The following KIF6 variants were observed in gnomAD, a reference collection of about 807,000 sequenced individuals.
KIF6 encodes the protein kinesin-like protein KIF6.
KIF6 carries 106 observed loss-of-function variants against 112.7 expected under a neutral mutation model. The observed-to-expected ratio is 0.94, with a 90% CI of 0.80 to 1.11. KIF6 has a LOEUF of 1.11. Among genes scored for constraint, KIF6 ranks in the 50% least tolerant of loss-of-function variants. The pLI is 0.00. For synonymous variants in KIF6, 339 were observed against 339.9 expected, an observed-to-expected ratio of 1.00 and a Z score of 0.03; for missense variants, 929 against 964.0, an observed-to-expected ratio of 0.96 and a Z score of 0.48.
chr6:39,578,132 G>C lies in KIF6; in HGVS notation c.1105C>G (p.Gln369Glu). 2 of 1,613,898 alleles carry C rather than the reference G, an allele frequency of 1.2e-6. No individual in the cohort carries two copies. Among genetic ancestry groups the C allele is most frequent in the Non-Finnish European group, 1.7e-6 (2 of 1,179,844 alleles). ...ATGGCCAGTTCATCCTTCAGTTCCTGGATTTCCTTTTGTAGGCGTTTAATC... is the reference window on the plus strand; with the variant it reads ...ATGGCCAGTTCATCCTTCAGTTCCTCGATTTCCTTTTGTAGGCGTTTAATC... Reference protein sequence around the residue: ...LVIKRLQKEIQELKDELAMVT... With the variant: ...LVIKRLQKEIEELKDELAMVT... The change falls in exon 10 of 23, where the codon CAG (glutamine) becomes GAG (glutamate). Residue 369 changes from glutamine (Q) to glutamate (E), a missense_variant. Gln to Glu is a conservative substitution (Grantham distance 29, BLOSUM62 2). Around this residue, in one of 2 missense-constraint regions of KIF6, gnomAD observed 688 missense variants for 662.7 expected, o/e 1.04. Coordinates refer to ENST00000287152, the MANE Select transcript of KIF6 (RefSeq NM_145027.6).
intron 13 of KIF6, among the ~76,000 whole-genome samples, chr6:39,472,476 T>C (rs560928033): frequency 3.3e-5 from 5 of 152,320 alleles, no homozygotes; most frequent in South Asian, 2.1e-4. Flanking sequence ...CATAGCCACA[T>C]GCTCTAAACA....
chr6:39,373,048 T>C (rs753290184), intron 16 of KIF6, among the ~76,000 whole-genome samples: 6 of 152,132 alleles, frequency 3.9e-5, no homozygotes, highest in Non-Finnish European at 7.4e-5. Context: ...ATTTTCATCA[T>C]GTGTAAAGGA....
At chr6:39,706,220 G>C (rs1319196193) in intron 3 of KIF6, among the ~76,000 whole-genome samples, 1 of 151,872 alleles carries the variant, frequency 6.6e-6, no homozygotes, top group Non-Finnish European at 1.5e-5. Context: ...ATAACTTGTA[G>C]TTATTATTGC....
rs189233751 is a variant in KIF6 at position 39,675,007 on chromosome 6, A to G, written c.252-35250T>C. Among the ~76,000 whole-genome samples the G allele has an allele frequency of 3.3e-5, 5 of 152,218 alleles. No individual in the cohort carries two copies. The East Asian group carries it at 9.6e-4, about 29-fold the overall frequency. On this transcript the variant is annotated intron_variant, in intron 3 of 22. Coordinates refer to ENST00000287152, the MANE Select transcript of KIF6 (RefSeq NM_145027.6). ...TTCAATTCTCCCACTATAGCTGTCC[A>G]GAAAGCCTAAAATCTCTCCTTCTAA...
chr6:39,617,014 T>C (rs1783558150), intron 5 of KIF6, among the ~76,000 whole-genome samples: 4 of 152,222 alleles, frequency 2.6e-5, no homozygotes, highest in Admixed American at 2.6e-4. Flanking sequence ...GAAAGAGGGC[T>C]TTATTAGAGT....
chr6:39,547,885 C>T (rs1447397632), intron 10 of KIF6, among the ~76,000 whole-genome samples: 1 of 152,148 alleles, frequency 6.6e-6, no homozygotes, highest in Non-Finnish European at 1.5e-5. Flanking sequence ...CATACAGTTG[C>T]TACTTTCCTC....
intron 15 of KIF6, among the ~76,000 whole-genome samples, chr6:39,396,827 T>G (rs1768307695): frequency 6.6e-6 from 1 of 152,206 alleles, no homozygotes; most frequent in African/African-American, 2.4e-5. Flanking sequence ...ATGAGGTGGG[T>G]GGCTCTGATT....
intron 13 of KIF6, among the ~76,000 whole-genome samples, chr6:39,480,672 A>T (rs568683683): frequency 6.5e-4 from 99 of 152,158 alleles, no homozygotes; most frequent in African/African-American, 2.1e-3. Context: ...TTCAGCTGTG[A>T]GTCTATCTGG....
rs547794399 is a variant in KIF6, at chr6:39,361,373, T to G, written c.1947-843A>C. 6.9e-4 allele frequency among the ~76,000 whole-genome samples: 105 copies of G among 151,900 alleles called. 1 individual carries two copies. Among genetic ancestry groups the G allele is most frequent in the African/African-American group, 2.4e-3 (98 of 41,412 alleles). On this transcript the variant is annotated intron_variant, in intron 17 of 22. Coordinates refer to ENST00000287152, the MANE Select transcript of KIF6 (RefSeq NM_145027.6). ...CAGGAGTTTGAGACCAACCTGAGCC[T>G]ACATGGTGAAACCGTGTTTCTACTA...
At chr6:39,710,017 C>T (rs1789446292) in intron 3 of KIF6, among the ~76,000 whole-genome samples, 2 of 152,100 alleles carry the variant, frequency 1.3e-5, no homozygotes, top group Admixed American at 1.3e-4. Context: ...ATATAAACAT[C>T]CTGTATACAG....
At chr6:39,348,913 G>A (rs1008485239) in intron 19 of KIF6, among the ~76,000 whole-genome samples, 1 of 152,172 alleles carries the variant, frequency 6.6e-6, no homozygotes, top group Non-Finnish European at 1.5e-5. Context: ...GGCTCTGACC[G>A]GGCACTGACC....
intron 3 of KIF6, among the ~76,000 whole-genome samples, chr6:39,703,708 T>C (rs572571347): frequency 2.0e-5 from 3 of 152,346 alleles, no homozygotes; most frequent in African/African-American, 7.2e-5. Context: ...TAAATGAAGA[T>C]ATTTAGATCT....
chr6:39,671,546 C>A (rs1316676451), intron 3 of KIF6, among the ~76,000 whole-genome samples: 1 of 152,150 alleles, frequency 6.6e-6, no homozygotes, highest in Non-Finnish European at 1.5e-5. Context: ...CCAGCTGAGG[C>A]CTACATTCCT....
chr6:39,422,285 G>A (rs988577477), intron 14 of KIF6, among the ~76,000 whole-genome samples: 3 of 152,252 alleles, frequency 2.0e-5, no homozygotes, highest in African/African-American at 4.8e-5. Flanking sequence ...CAGCCTTGGC[G>A]GTGCCCAGAT....
intron 10 of KIF6, among the ~76,000 whole-genome samples, chr6:39,555,410 G>A (rs1406739554): frequency 6.6e-6 from 1 of 152,010 alleles, no homozygotes; most frequent in Non-Finnish European, 1.5e-5. Flanking sequence ...CCCACCCTCT[G>A]GCCTTACGGC....
intron 6 of KIF6, among the ~76,000 whole-genome samples, chr6:39,609,598 G>GAACAAA (rs1463417042): frequency 6.6e-6 from 1 of 152,090 alleles, no homozygotes; most frequent in African/African-American, 2.4e-5. Context: ...CAGAAGACAT[G>GAACAAA]AACAAAAACA....
At chr6:39,353,314 T>C (rs1293125462) in intron 19 of KIF6, among the ~76,000 whole-genome samples, 28 of 152,260 alleles carry the variant, frequency 1.8e-4, no homozygotes, top group Admixed American at 1.7e-3. Context: ...TGTATTTCCC[T>C]GTGTGACACA....
chr6:39,436,580 C>T (rs1771547496), intron 13 of KIF6, among the ~76,000 whole-genome samples: 1 of 152,002 alleles, frequency 6.6e-6, no homozygotes, highest in Non-Finnish European at 1.5e-5. Flanking sequence ...TATTCTTCTA[C>T]ATGTGGCTAT....
intron 15 of KIF6, among the ~76,000 whole-genome samples, chr6:39,400,505 A>G (rs998253693): frequency 3.9e-5 from 6 of 152,222 alleles, no homozygotes; most frequent in African/African-American, 1.2e-4. Flanking sequence ...AACACACCTG[A>G]GCTAGACTTG....
Sources: allele counts gnomAD v4.1 joint callset (sites outside exome capture counted in the v4.1 genomes callset), GRCh38; gene constraint gnomAD v4.1.1; regional missense constraint gnomAD v4.1.1; transcripts MANE v1.5; gene names NCBI Gene and HGNC (gene_info 2026-07-23, HGNC 2026-07-21).